FRS2: variants seen among roughly 807,000 people sequenced by gnomAD.
The protein encoded by FRS2 is FGFR signalling adaptor.
FRS2 carries 8 observed loss-of-function variants against 43.9 expected under a neutral mutation model. That is an observed-to-expected ratio of 0.18 (90% CI 0.11 to 0.33). The LOEUF is 0.33. Among genes scored for constraint, FRS2 ranks in the 10% least tolerant of loss-of-function variants. The probability of loss-of-function intolerance (pLI) is 1.00; values close to 1 mark genes in which losing one functional copy is unlikely to be tolerated. For missense variants in FRS2, 534 were observed against 627.6 expected (o/e 0.85, Z 1.59); for synonymous variants, 219 against 220.3 (o/e 0.99, Z 0.05).
chr12:69,515,023 A>G (rs1282226424), intron 1 of FRS2, among the ~76,000 whole-genome samples: 2 of 152,230 alleles, frequency 1.3e-5, no homozygotes, highest in Non-Finnish European at 2.9e-5. Flanking sequence ...TACAAGAATT[A>G]TCTGTGTCAT....
chr12:69,523,987 G>A (rs905966576), intron 1 of FRS2, among the ~76,000 whole-genome samples: 4 of 152,324 alleles, frequency 2.6e-5, no homozygotes, highest in Middle Eastern at 3.4e-3. Context: ...CAGTGTGGAC[G>A]TGTGTGGACT....
At chr12:69,501,089 T>C (rs1157813573) in intron 1 of FRS2, among the ~76,000 whole-genome samples, 1 of 152,154 alleles carries the variant, frequency 6.6e-6, no homozygotes, top group Non-Finnish European at 1.5e-5. Context: ...TTCCCTGCCT[T>C]CTTTTCAAGC....
Position 69,552,302 on chromosome 12 carries a change from CAAAAA to C in FRS2, c.-121-9857_-121-9853del, listed in dbSNP as rs35353764. ...GGGCAACAAGAGCGAAACTCCGTCT[CAAAAA>C]AAAAAAAAAAAAAAAAAAAATCATG... On this transcript the variant is annotated intron_variant, in intron 3 of 8. Transcript: ENST00000549921. Among the ~76,000 whole-genome samples the C allele has an allele frequency of 4.1e-4, 21 of 51,380 alleles. No homozygotes were observed. The East Asian group carries it at 8.2e-3, about 20-fold the overall frequency. The allele number at this position is 51,380 out of a possible 152,430, so 33.7% of individuals were successfully genotyped here.
intron 1 of FRS2, among the ~76,000 whole-genome samples, chr12:69,496,054 C>G (rs1592937413): frequency 6.6e-6 from 1 of 152,190 alleles, no homozygotes; most frequent in East Asian, 1.9e-4. Context: ...TACGATAATA[C>G]TAATTTTTTT....
intron 3 of FRS2, among the ~76,000 whole-genome samples, chr12:69,539,821 G>A (rs1688983869): frequency 6.6e-6 from 1 of 152,136 alleles, no homozygotes; most frequent in African/African-American, 2.4e-5. Context: ...TGGGCAGGGT[G>A]GCGGGCGCCT....
chr12:69,552,228 G>C (rs1380570530), intron 3 of FRS2, among the ~76,000 whole-genome samples: 1 of 147,332 alleles, frequency 6.8e-6, no homozygotes, highest in Non-Finnish European at 1.5e-5. Flanking sequence ...CTTGAACCTG[G>C]GAGGCGGAGG....
At chr12:69,497,712 G>A (rs1321794959) in intron 1 of FRS2, among the ~76,000 whole-genome samples, 1 of 152,234 alleles carries the variant, frequency 6.6e-6, no homozygotes, top group East Asian at 1.9e-4. Flanking sequence ...ATATTCGGGA[G>A]AGAACATTTC....
chr12:69,482,372 T>G lies in FRS2; in HGVS notation c.-261+11842T>G, dbSNP rs377251158. ...CTTTTACATTGATATTACGGGAGTG[T>G]TGGTTAATATAATCCTTTGATCTGG... On this transcript the variant is annotated intron_variant, in intron 1 of 8. Transcript: ENST00000549921. 2.6e-5 allele frequency among the ~76,000 whole-genome samples: 4 copies of G among 152,314 alleles called. No individual in the cohort carries two copies. The East Asian group carries it at 7.7e-4, about 29-fold the overall frequency.
At chr12:69,488,914 T>C (rs1322865705) in intron 1 of FRS2, among the ~76,000 whole-genome samples, 1 of 152,202 alleles carries the variant, frequency 6.6e-6, no homozygotes, top group Non-Finnish European at 1.5e-5. Flanking sequence ...AGAAGACTAC[T>C]AGGTGTAGGT....
At chr12:69,515,968 G>C (rs1221600191) in intron 1 of FRS2, among the ~76,000 whole-genome samples, 1 of 133,704 alleles carries the variant, frequency 7.5e-6, no homozygotes, top group Non-Finnish European at 1.5e-5. Context: ...GAAATATCCA[G>C]CTTGGTTTGG....
rs183123586 is a variant in FRS2, at chr12:69,572,226, G to A, written c.521G>A (p.Arg174His). 59 of 1,612,514 alleles carry A rather than the reference G, an allele frequency of 3.7e-5. No individual in the cohort carries two copies. Among genetic ancestry groups the A allele is most frequent in the Admixed American group, 2.0e-4 (12 of 59,834 alleles). ...AGACATCCTTCTGTGGGAAGTGCTC[G>A]CCTGCCTTCAGTAGGGGAAGAATCT... is the stretch of plus-strand genomic sequence containing the variant. Reference protein sequence around the residue: ...SSRHPSVGSARLPSVGEESTH... With the variant: ...SSRHPSVGSAHLPSVGEESTH... Residue 174 changes from arginine to histidine, a missense_variant, in exon 8 of 9, where the codon CGC (arginine) becomes CAC (histidine). Arg to His is a conservative substitution (Grantham distance 29, BLOSUM62 0). Transcript: ENST00000549921.
chr12:69,550,952 G>A (rs553361157), intron 3 of FRS2, among the ~76,000 whole-genome samples: 1 of 152,222 alleles, frequency 6.6e-6, no homozygotes, highest in East Asian at 1.9e-4. Context: ...CAGTATTGGT[G>A]AAGAAACATT....
intron 1 of FRS2, among the ~76,000 whole-genome samples, chr12:69,529,193 G>C (rs534847052): frequency 1.3e-5 from 2 of 152,314 alleles, no homozygotes; most frequent in East Asian, 3.9e-4. Context: ...GATCAGACAG[G>C]GAACTATTAT....
chr12:69,474,327 G>A (rs143226387), intron 1 of FRS2, among the ~76,000 whole-genome samples: 2,400 of 152,174 alleles, frequency 0.016, 25 homozygotes, highest in Non-Finnish European at 0.027. Context: ...TCAGGACTAG[G>A]CATATATTAA....
intron 1 of FRS2, among the ~76,000 whole-genome samples, chr12:69,509,085 G>T (rs1252363197): frequency 1.3e-5 from 2 of 151,958 alleles, no homozygotes; most frequent in Non-Finnish European, 2.9e-5. Context: ...TCTTAATATG[G>T]TTGGACACAT....
At chr12:69,542,320 C>G (rs893822633) in intron 3 of FRS2, among the ~76,000 whole-genome samples, 1 of 152,126 alleles carries the variant, frequency 6.6e-6, no homozygotes, top group Non-Finnish European at 1.5e-5. Context: ...GTTGGTCGTT[C>G]GTATCCATAG....
chr12:69,573,214 A>G (rs976924576), intron 8 of FRS2, among the ~76,000 whole-genome samples: 1 of 152,166 alleles, frequency 6.6e-6, no homozygotes, highest in African/African-American at 2.4e-5. Flanking sequence ...GGTGGCATTT[A>G]TTTTATATAT....
In FRS2 at chr12:69,575,693, A is replaced by G. The variant is rs540212383; in HGVS notation, c.*738A>G. On this transcript the variant is annotated 3_prime_UTR_variant, in exon 9 of 9. Coordinates refer to ENST00000549921, the MANE Select transcript of FRS2 (RefSeq NM_001278356.2). Reference sequence around the variant, plus strand: ...CAGTCTCAGGTCACTTTACCCAAAAACATTTGAAAATCTGAACCACAATCT... The same window carrying G: ...CAGTCTCAGGTCACTTTACCCAAAAGCATTTGAAAATCTGAACCACAATCT... 2.0e-5 allele frequency: 3 copies of G among 152,734 alleles called. No homozygotes were observed. The South Asian group carries it at 6.2e-4, about 32-fold the overall frequency. The allele number at this position is 152,734 out of a possible 1,614,324, so 9.5% of individuals were successfully genotyped here.
chr12:69,574,386 G>T lies in FRS2; in HGVS notation c.958G>T (p.Val320Phe), dbSNP rs1318349224. 1 of 1,613,702 alleles carries T rather than the reference G, an allele frequency of 6.2e-7. No homozygotes were observed. Among genetic ancestry groups the T allele is most frequent in the East Asian group, 2.2e-5 (1 of 44,886 alleles). The change falls in exon 9 of 9, where the codon GTC (valine) becomes TTC (phenylalanine). Residue 320 changes from valine (V) to phenylalanine (F), a missense_variant. Coordinates refer to ENST00000549921, the MANE Select transcript of FRS2 (RefSeq NM_001278356.2). ...GCTATCTATCCCTAGTGCCTCAGGGGTCAGGAGAGGTCGTCTGACATCCAC... is the reference window on the plus strand; with the variant it reads ...GCTATCTATCCCTAGTGCCTCAGGGTTCAGGAGAGGTCGTCTGACATCCAC... ...NGLSIPSASGVRRGRLTSTST... is the reference protein window; with the variant it reads ...NGLSIPSASGFRRGRLTSTST...
Sources: gnomAD v4.1 joint callset for allele counts (sites outside exome capture counted in the v4.1 genomes callset) on GRCh38, gnomAD v4.1.1 for gene constraint, MANE v1.5 for transcripts, NCBI Gene and HGNC (gene_info 2026-07-23, HGNC 2026-07-21) for gene names.